Variants in PIGK observed in about 807,000 individuals in gnomAD.
The protein encoded by PIGK is phosphatidylinositol glycan anchor biosynthesis class K, also known as GPI-anchor transamidase.
A neutral mutation model predicts 50.6 loss-of-function variants in PIGK; 42 were observed. That is an observed-to-expected ratio of 0.83 (90% CI 0.65 to 1.07). PIGK has a LOEUF of 1.07. PIGK is among the 50% of genes least tolerant of loss of function. The pLI, the probability that PIGK is intolerant of heterozygous loss-of-function variation, is 0.00. For synonymous variants in PIGK, 151 were observed against 156.0 expected, an observed-to-expected ratio of 0.97 and a Z score of 0.24; for missense variants, 448 against 488.7, an observed-to-expected ratio of 0.92 and a Z score of 0.78.
chr1:77,207,563 T>C (rs990931501), intron 2 of PIGK, among the ~76,000 whole-genome samples: 14 of 152,094 alleles, frequency 9.2e-5, no homozygotes, highest in Non-Finnish European at 1.5e-4. Context: ...AAGAGAAAAT[T>C]AGAAACAATC....
At chr1:77,115,487 C>G (rs1441335425) in intron 10 of PIGK, among the ~76,000 whole-genome samples, 1 of 151,608 alleles carries the variant, frequency 6.6e-6, no homozygotes, top group Non-Finnish European at 1.5e-5. Context: ...TATTGGCAAC[C>G]AGTATTTGGA....
At chr1:77,166,908 A>G in intron 4 of PIGK, 78 bp from the exon 5 acceptor site, 2 of 737,598 alleles carry the variant, frequency 2.7e-6, no homozygotes, top group South Asian at 3.4e-5. Flanking sequence ...ACTTTCAAAA[A>G]TGTTCATTGT....
Position 77,154,579 on chromosome 1 carries a change from G to A in PIGK, c.856C>T (p.His286Tyr). The A allele has an allele frequency of 3.1e-6, 5 of 1,612,736 alleles. No individual in the cohort carries two copies. Among genetic ancestry groups the A allele is most frequent in the Non-Finnish European group, 4.2e-6 (5 of 1,178,980 alleles). The change falls in exon 9 of 11, where the codon CAT becomes TAT. Residue 286 changes from histidine to tyrosine, a missense_variant. Coordinates refer to ENST00000370812, the MANE Select transcript of PIGK (RefSeq NM_005482.3). Reference protein sequence around the residue: ...PKSLCVSTPGHRTDLFQRDPK... With the variant: ...PKSLCVSTPGYRTDLFQRDPK... ...TCCCTCTGAAAAAGATCAGTGCGAT[G>A]TCCAGGAGTAGACACACACAGACTT...
intron 2 of PIGK, among the ~76,000 whole-genome samples, chr1:77,209,683 TG>T (rs998874373): frequency 6.6e-6 from 1 of 152,022 alleles, no homozygotes; most frequent in Non-Finnish European, 1.5e-5. Context: ...AGATTCTAAA[TG>T]CCCATAAACT....
Position 77,161,679 on chromosome 1 carries a change from CA to C in PIGK, c.616del (p.Cys206AlafsTer15). 6.4e-7 allele frequency: 1 copy of C among 1,565,878 alleles called. No homozygotes were observed. Among genetic ancestry groups the C allele is most frequent in the Non-Finnish European group, 8.8e-7 (1 of 1,136,312 alleles). ...TCGTTCATACATGGATGCTCCTTGGCAAGTATCAATAATAAACAGTAGCTCA... is the reference window on the plus strand; with the variant it reads ...TCGTTCATACATGGATGCTCCTTGGCAGTATCAATAATAAACAGTAGCTCA... ...YNELLFIIDT[C>X]QGASMYERFY... On this transcript the variant is annotated frameshift_variant, in exon 7 of 11. Transcript: ENST00000370812. LOFTEE classifies it high-confidence loss of function.
chr1:77,125,982 T>A (rs1014509169), intron 9 of PIGK, among the ~76,000 whole-genome samples: 1 of 152,210 alleles, frequency 6.6e-6, no homozygotes, highest in Non-Finnish European at 1.5e-5. Flanking sequence ...TGATTTACTT[T>A]TCATTTCTGA....
intron 10 of PIGK, among the ~76,000 whole-genome samples, chr1:77,102,370 C>T (rs1295666677): frequency 6.6e-6 from 1 of 152,094 alleles, no homozygotes; most frequent in Admixed American, 6.6e-5. Flanking sequence ...AATCCATTGA[C>T]CTTAAAATAG....
At chr1:77,176,174 A>G (rs947347690) in intron 3 of PIGK, among the ~76,000 whole-genome samples, 1 of 152,128 alleles carries the variant, frequency 6.6e-6, no homozygotes, top group East Asian at 1.9e-4. Context: ...GTGTCCAGTA[A>G]TTCTATTTCA....
At chr1:77,188,614 C>T (rs886677634) in intron 3 of PIGK, among the ~76,000 whole-genome samples, 2 of 152,170 alleles carry the variant, frequency 1.3e-5, no homozygotes, top group East Asian at 3.9e-4. Flanking sequence ...CTGTTAAGTA[C>T]TTGATGTCTG....
intron 10 of PIGK, among the ~76,000 whole-genome samples, chr1:77,112,994 T>A (rs1001401300): frequency 1.3e-5 from 2 of 152,078 alleles, no homozygotes; most frequent in Admixed American, 6.6e-5. Flanking sequence ...CATTTTGGCA[T>A]AAGGGACAAC....
At chr1:77,211,353 T>C (rs1314574365) in intron 1 of PIGK, among the ~76,000 whole-genome samples, 2 of 151,936 alleles carry the variant, frequency 1.3e-5, no homozygotes, top group Admixed American at 6.6e-5. Flanking sequence ...GCATGGTTGA[T>C]AGGTTCAGAA....
chr1:77,152,673 C>CAAAACAAA (rs373207542), intron 9 of PIGK, among the ~76,000 whole-genome samples: 1 of 150,134 alleles, frequency 6.7e-6, no homozygotes, highest in African/African-American at 2.4e-5. Context: ...CAAAACAAAA[C>CAAAACAAA]AAAACAAAAA....
chr1:77,163,064 C>T (rs960127307), intron 6 of PIGK, among the ~76,000 whole-genome samples: 1 of 152,190 alleles, frequency 6.6e-6, no homozygotes, highest in Non-Finnish European at 1.5e-5. Flanking sequence ...ATGTAAAATA[C>T]AGTATGCAGC....
intron 3 of PIGK, among the ~76,000 whole-genome samples, chr1:77,180,452 A>G (rs1455281163): frequency 1.3e-5 from 2 of 152,198 alleles, no homozygotes; most frequent in Non-Finnish European, 2.9e-5. Flanking sequence ...TACTACTTTA[A>G]GTATATACAA....
chr1:77,154,340 T>G, intron 9 of PIGK, 109 bp downstream of exon 9: 1 of 707,676 alleles, frequency 1.4e-6, no homozygotes, highest in South Asian at 1.8e-5. Flanking sequence ...GGTATAAATG[T>G]GTAATTTTAT....
intron 10 of PIGK, among the ~76,000 whole-genome samples, chr1:77,100,372 C>A (rs2090290498): frequency 6.6e-6 from 1 of 152,126 alleles, no homozygotes; most frequent in African/African-American, 2.4e-5. Context: ...CTATCTATAT[C>A]CTTTATATAA....
intron 9 of PIGK, among the ~76,000 whole-genome samples, chr1:77,138,856 T>C (rs1654581791): frequency 6.6e-6 from 1 of 152,122 alleles, no homozygotes; most frequent in South Asian, 2.1e-4. Context: ...ACTGAATTGC[T>C]CAACTTTAAA....
At chr1:77,123,136 A>T (rs1477818134) in intron 9 of PIGK, among the ~76,000 whole-genome samples, 1 of 152,196 alleles carries the variant, frequency 6.6e-6, no homozygotes, top group Non-Finnish European at 1.5e-5. Flanking sequence ...GAAACAGTAA[A>T]TTTAAAAACT....
chr1:77,117,533 A>G (rs1398870024), intron 10 of PIGK, among the ~76,000 whole-genome samples: 1 of 152,162 alleles, frequency 6.6e-6, no homozygotes, highest in African/African-American at 2.4e-5. Flanking sequence ...GACACTTTGG[A>G]GGAAGACAAG....
Sources: gnomAD v4.1 joint callset for allele counts (sites outside exome capture counted in the v4.1 genomes callset) on GRCh38, gnomAD v4.1.1 for gene constraint, MANE v1.5 for transcripts, NCBI Gene and HGNC (gene_info 2026-07-23, HGNC 2026-07-21) for gene names.